Variants in PKD2L1 observed in about 807,000 individuals in gnomAD.
PKD2L1 encodes polycystin 2 like 1, transient receptor potential cation channel, also known as polycystin-2-like protein 1.
Under a neutral mutation model 93.0 loss-of-function variants are expected in PKD2L1, and 77 were observed. The observed-to-expected ratio is 0.83, with a 90% CI of 0.69 to 1.00. PKD2L1 has a LOEUF of 1.00. PKD2L1 is among the 50% of genes least tolerant of loss of function. PKD2L1 has a pLI of 0.00. For synonymous variants in PKD2L1, 390 were observed against 388.0 expected, an observed-to-expected ratio of 1.01 and a Z score of -0.06; for missense variants, 977 against 990.9, an observed-to-expected ratio of 0.99 and a Z score of 0.19.
At chr10:100,298,439 C>T (rs1848600169) in intron 4 of PKD2L1, 123 bp downstream of exon 4, 1 of 971,622 alleles carries the variant, frequency 1.0e-6, no homozygotes, top group Admixed American at 2.4e-5. Context: ...GGAGATGCCC[C>T]CAGAAGTCCC....
At chr10:100,325,831 A>G (rs1329580859) in intron 2 of PKD2L1, among the ~76,000 whole-genome samples, 1 of 152,224 alleles carries the variant, frequency 6.6e-6, no homozygotes. Context: ...TGCTAAGCAT[A>G]TTAGTGAGCT....
intron 2 of PKD2L1, among the ~76,000 whole-genome samples, chr10:100,328,848 C>T (rs766631317): frequency 9.9e-5 from 15 of 152,158 alleles, no homozygotes; most frequent in Non-Finnish European, 1.9e-4. Flanking sequence ...CTTCGGCCTC[C>T]CAAAGTGCTG....
Position 100,298,635 on chromosome 10 carries a change from T to A in PKD2L1, c.658A>T (p.Ile220Phe), listed in dbSNP as rs147824156. ...GAGTAGACATCATAGCAGCTCAGAA[T>A]GTCCTCCCGGAAGTCTTCATGCACC... ...CVVHEDFREDILSCYDVYSPD... is the reference protein window; with the variant it reads ...CVVHEDFREDFLSCYDVYSPD... The change falls in exon 4 of 16, where the codon ATT becomes TTT. Residue 220 changes from isoleucine (I) to phenylalanine (F), a missense_variant. Transcript: ENST00000318222. 1.2e-6 allele frequency: 2 copies of A among 1,614,160 alleles called. No individual in the cohort carries two copies. Among genetic ancestry groups the A allele is most frequent in the Non-Finnish European group, 8.5e-7 (1 of 1,180,004 alleles).
intron 2 of PKD2L1, among the ~76,000 whole-genome samples, chr10:100,315,570 G>T (rs1243672601): frequency 6.6e-6 from 1 of 152,088 alleles, no homozygotes; most frequent in African/African-American, 2.4e-5. Context: ...AATGAAGAGG[G>T]ATTTTCACAT....
rs745391217 is a variant in PKD2L1, at chr10:100,330,155, G to A, written c.-52C>T. ...CCCCAGGTGCCCACTCTCAGCTAGA[G>A]GAAGAGGGAGCAGAGGCACAGCCCA... On this transcript the variant is annotated 5_prime_UTR_variant, in exon 1 of 16. Coordinates refer to ENST00000318222, the MANE Select transcript of PKD2L1 (RefSeq NM_016112.3). 8.5e-7 allele frequency: 1 copy of A among 1,182,564 alleles called. No individual in the cohort carries two copies. The highest frequency in any genetic ancestry group is 1.5e-5 in the African/African-American group (1 of 65,514). 73.3% of individuals were successfully genotyped at this position (1,182,564 alleles called of 1,614,324 possible).
intron 2 of PKD2L1, among the ~76,000 whole-genome samples, chr10:100,321,193 C>T (rs1352887499): frequency 1.3e-5 from 2 of 152,134 alleles, no homozygotes; most frequent in Admixed American, 1.3e-4. Context: ...GGCACAGTGG[C>T]TCACGCCTGT....
At chr10:100,327,287 G>A (rs1849400977) in intron 2 of PKD2L1, among the ~76,000 whole-genome samples, 2 of 152,162 alleles carry the variant, frequency 1.3e-5, no homozygotes, top group Non-Finnish European at 1.5e-5. Context: ...AGGATTCCAC[G>A]TATTCTGCAT....
At chr10:100,327,920 G>T (rs1849413900) in intron 2 of PKD2L1, among the ~76,000 whole-genome samples, 1 of 152,190 alleles carries the variant, frequency 6.6e-6, no homozygotes, top group Admixed American at 6.5e-5. Context: ...TAGAGGGCTT[G>T]CACAAATGTG....
chr10:100,302,693 CAA>C (rs35577057), intron 2 of PKD2L1, among the ~76,000 whole-genome samples: 47,704 of 135,452 alleles, frequency 0.35, 9,028 homozygotes, highest in East Asian at 0.55. Context: ...CTCTGTCCCC[CAA>C]AAAAAAAAAA....
intron 11 of PKD2L1, 130 bp from the exon 12 acceptor site, chr10:100,291,557 G>C (rs1848408551): frequency 2.4e-6 from 2 of 846,670 alleles, no homozygotes; most frequent in Non-Finnish European, 3.6e-6. Context: ...CCAAAGTCTA[G>C]CAATCTTACC....
At chr10:100,289,409 C>T (rs1848353648) in intron 14 of PKD2L1, among the ~76,000 whole-genome samples, 1 of 152,154 alleles carries the variant, frequency 6.6e-6, no homozygotes, top group Non-Finnish European at 1.5e-5. Flanking sequence ...TATGGTGGCA[C>T]ATGCCTGTAA....
intron 8 of PKD2L1, 24 bp from the exon 9 acceptor site, chr10:100,294,679 A>C: frequency 6.2e-7 from 1 of 1,613,772 alleles, no homozygotes; most frequent in Non-Finnish European, 8.5e-7. Context: ...TCTGGGCTTT[A>C]CCCAGAGCCT....
At chr10:100,326,890 TTATG>T (rs146099277) in intron 2 of PKD2L1, among the ~76,000 whole-genome samples, 27,538 of 151,966 alleles carry the variant, frequency 0.18, 2,877 homozygotes, top group South Asian at 0.39. Flanking sequence ...AACCATAGTA[TTATG>T]AATGACTAGT....
At chr10:100,318,252 T>C (rs1469776057) in intron 2 of PKD2L1, among the ~76,000 whole-genome samples, 2 of 152,206 alleles carry the variant, frequency 1.3e-5, no homozygotes, top group East Asian at 3.8e-4. Flanking sequence ...GTGTACCTTA[T>C]TTCATAGTTT....
intron 8 of PKD2L1, 64 bp from the exon 9 acceptor site, chr10:100,294,719 T>C (rs1848484950): frequency 6.2e-6 from 10 of 1,604,050 alleles, no homozygotes; most frequent in Non-Finnish European, 8.5e-6. Context: ...ACTTTCCTAA[T>C]CACAGAGAGA....
chr10:100,311,172 A>G (rs1262533657), intron 2 of PKD2L1, among the ~76,000 whole-genome samples: 2 of 152,260 alleles, frequency 1.3e-5, no homozygotes, highest in Non-Finnish European at 2.9e-5. Flanking sequence ...AATGAGAACT[A>G]TGAAACCTAT....
intron 2 of PKD2L1, among the ~76,000 whole-genome samples, chr10:100,325,950 C>G (rs1252033301): frequency 6.6e-6 from 1 of 152,180 alleles, no homozygotes; most frequent in Non-Finnish European, 1.5e-5. Flanking sequence ...ATTGGGGAAG[C>G]GCCAGACCTT....
chr10:100,297,489 C>T lies in PKD2L1; in HGVS notation c.849G>A (p.Glu283=). The T allele has an allele frequency of 4.3e-6, 7 of 1,614,176 alleles. No homozygotes were observed. The highest frequency in any genetic ancestry group is 5.9e-6 in the Non-Finnish European group (7 of 1,180,024). The change falls in exon 5 of 16, where the codon GAG becomes GAA. Residue 283 remains glutamate, a synonymous_variant. Transcript: ENST00000318222. The stretch of plus-strand genomic sequence containing the variant: ...GCCCCTCCTGAAGGGCCCGGAGAGC[C>T]TCTGCACTACCCTGTCGGGATCCTG... ...DLPGSRQGSA[E]ALRALQEGLW...
At chr10:100,294,086 C>T (rs1489511494) in intron 9 of PKD2L1, among the ~76,000 whole-genome samples, 1 of 152,106 alleles carries the variant, frequency 6.6e-6, no homozygotes, top group African/African-American at 2.4e-5. Context: ...GCACTCCAGC[C>T]TGGGTGACAG....
Sources: allele counts gnomAD v4.1 joint callset (sites outside exome capture counted in the v4.1 genomes callset), GRCh38; gene constraint gnomAD v4.1.1; transcripts MANE v1.5; gene names NCBI Gene and HGNC (gene_info 2026-07-23, HGNC 2026-07-21).